The following INSC variants were observed in gnomAD, a reference collection of about 807,000 sequenced individuals.
INSC encodes INSC spindle orientation adaptor protein.
INSC carries 67 observed loss-of-function variants against 58.6 expected under a neutral mutation model. The ratio of observed to expected loss-of-function variants is 1.14; its 90% CI spans 0.94 to 1.40. The LOEUF (loss-of-function observed/expected upper bound fraction) is 1.40. Ranked by LOEUF, INSC falls within the 40% of genes most tolerant of loss-of-function variation. The pLI, the probability that INSC is intolerant of heterozygous loss-of-function variation, is 0.00. For missense variants in INSC, 714 were observed against 692.0 expected, an observed-to-expected ratio of 1.03 and a Z score of -0.36; for synonymous variants, 262 against 276.1, an observed-to-expected ratio of 0.95 and a Z score of 0.51.
chr11:15,219,859 G>T (rs1851370550), intron 7 of INSC, among the ~76,000 whole-genome samples: 1 of 152,220 alleles, frequency 6.6e-6, no homozygotes, highest in South Asian at 2.1e-4. Context: ...GCTGCTTCCT[G>T]CTTCTAGCCC....
At chr11:15,186,529 G>A (rs982644634) in intron 5 of INSC, among the ~76,000 whole-genome samples, 1 of 152,148 alleles carries the variant, frequency 6.6e-6, no homozygotes. Flanking sequence ...TAAGTTTGGG[G>A]TCTGTCAAAA....
At chr11:15,117,398 A>G (rs941432049) in intron 1 of INSC, among the ~76,000 whole-genome samples, 1 of 152,048 alleles carries the variant, frequency 6.6e-6, no homozygotes, top group Non-Finnish European at 1.5e-5. Flanking sequence ...CCTACACCTG[A>G]CCCTTGGGAA....
At chr11:15,253,349 C>T in the INSC span, among the ~76,000 whole-genome samples, 1,016 of 152,164 alleles carry the variant, frequency 6.7e-3, 10 homozygotes, top group South Asian at 0.031. Context: ...TATTCAAAGG[C>T]GTTGAGACAC....
chr11:15,126,201 G>A (rs573244770), intron 1 of INSC, among the ~76,000 whole-genome samples: 1 of 152,314 alleles, frequency 6.6e-6, no homozygotes, highest in South Asian at 2.1e-4. Flanking sequence ...ATAGGCTGGG[G>A]ACTCAGAGAG....
the INSC span, among the ~76,000 whole-genome samples, chr11:15,269,197 G>A: frequency 3.3e-5 from 5 of 151,684 alleles, no homozygotes; most frequent in African/African-American, 1.2e-4. Context: ...CCCCTTCCAG[G>A]TGCTCAAACA....
chr11:15,122,459 C>G (rs780652851), intron 1 of INSC, among the ~76,000 whole-genome samples: 12 of 152,308 alleles, frequency 7.9e-5, no homozygotes, highest in Non-Finnish European at 1.6e-4. Flanking sequence ...CTAAGTGACT[C>G]CCAGTTTGAT....
the INSC span, among the ~76,000 whole-genome samples, chr11:15,257,353 A>G: frequency 3.3e-5 from 5 of 152,226 alleles, no homozygotes; most frequent in Admixed American, 3.3e-4. Flanking sequence ...TCATCTAAGT[A>G]TATCTCAACA....
chr11:15,141,818 C>T (rs1848379037), intron 1 of INSC, among the ~76,000 whole-genome samples: 1 of 152,116 alleles, frequency 6.6e-6, no homozygotes, highest in Admixed American at 6.5e-5. Context: ...TGGGTTCCTA[C>T]CTCTCCACCC....
At chr11:15,174,826 C>T (rs1055402829) in intron 2 of INSC, among the ~76,000 whole-genome samples, 1 of 152,148 alleles carries the variant, frequency 6.6e-6, no homozygotes, top group South Asian at 2.1e-4. Context: ...AAAATCTTTT[C>T]GAGAGTGGAG....
intron 2 of INSC, among the ~76,000 whole-genome samples, chr11:15,167,483 A>G (rs116725820): frequency 1.2e-3 from 181 of 152,112 alleles, no homozygotes; most frequent in African/African-American, 4.0e-3. Context: ...TTTTAAGAGA[A>G]AGGGTCTCAC....
At position 15,125,719 on chromosome 11, in the gene INSC, T is replaced by C. The variant is rs149020639; in HGVS notation, c.-46+10716T>C. Among the ~76,000 whole-genome samples, 6 of 152,308 alleles carry C rather than the reference T, an allele frequency of 3.9e-5. No individual in the cohort carries two copies. The East Asian group carries it at 1.2e-3, about 29-fold the overall frequency. On this transcript the variant is annotated intron_variant, in intron 1 of 12. Coordinates refer to ENST00000379556, the MANE Select transcript of INSC (RefSeq NM_001042536.3). ...GCTACTTGGAGAGCGTTGTGCCAGATGCTGGCTAATATGGGCATATTCTTG... is the reference window on the plus strand; with the variant it reads ...GCTACTTGGAGAGCGTTGTGCCAGACGCTGGCTAATATGGGCATATTCTTG...
intron 9 of INSC, among the ~76,000 whole-genome samples, chr11:15,229,993 A>AATATATAATATATATTATTATAT (rs1564917488): frequency 1.8e-4 from 5 of 28,456 alleles, no homozygotes; most frequent in African/African-American, 7.7e-4. Flanking sequence ...ATATATATAT[A>AATATATAATATATATTATTATAT]TATATATATA....
chr11:15,116,833 C>A (rs1590320931), intron 1 of INSC, among the ~76,000 whole-genome samples: 2 of 40,336 alleles, frequency 5.0e-5, no homozygotes, highest in South Asian at 1.0e-3. Flanking sequence ...TTCTTTCTTT[C>A]TTTCTTTCTT....
chr11:15,162,285 C>T (rs765114731), intron 2 of INSC, among the ~76,000 whole-genome samples: 1 of 152,160 alleles, frequency 6.6e-6, no homozygotes, highest in African/African-American at 2.4e-5. Context: ...TCTACTCTAG[C>T]CACACTTATC....
chr11:15,260,258 G>A, the INSC span, among the ~76,000 whole-genome samples: 1 of 152,112 alleles, frequency 6.6e-6, no homozygotes. Context: ...GGCTGTAAAT[G>A]TCATCTGGGT....
chr11:15,160,150 T>G (rs1792571), intron 2 of INSC, among the ~76,000 whole-genome samples: 100,190 of 151,980 alleles, frequency 0.66, 34,639 homozygotes, highest in Non-Finnish European at 0.78. Flanking sequence ...GAGACCAGTA[T>G]AGATCAGAGG....
chr11:15,218,369 G>A (rs537774260), intron 7 of INSC, among the ~76,000 whole-genome samples: 2 of 152,222 alleles, frequency 1.3e-5, no homozygotes, highest in African/African-American at 4.8e-5. Context: ...AGGAAAACAA[G>A]GGAATAATAT....
chr11:15,261,649 T>G, the INSC span, among the ~76,000 whole-genome samples: 20 of 152,204 alleles, frequency 1.3e-4, no homozygotes, highest in Non-Finnish European at 2.1e-4. Flanking sequence ...GTCCAAAGTT[T>G]GAGCTTCTTC....
At chr11:15,241,695 C>G in intron 12 of INSC, 1 of 696,598 alleles carries the variant, frequency 1.4e-6, no homozygotes, top group South Asian at 1.5e-5. Flanking sequence ...GCTTACGGAG[C>G]CCTTCTCAGA....
Sources: gnomAD v4.1 joint callset for allele counts (sites outside exome capture counted in the v4.1 genomes callset) on GRCh38, gnomAD v4.1.1 for gene constraint, MANE v1.5 for transcripts, NCBI Gene and HGNC (gene_info 2026-07-23, HGNC 2026-07-21) for gene names.